The following STK3 variants were observed in gnomAD, a reference collection of about 807,000 sequenced individuals.
STK3 encodes the protein serine/threonine-protein kinase 3.
In STK3, 41 loss-of-function variants were observed where a neutral mutation model predicts 58.0. The ratio of observed to expected loss-of-function variants is 0.71; its 90% CI spans 0.55 to 0.92. STK3 has a LOEUF of 0.92. STK3 is among the 40% of genes least tolerant of loss of function. The pLI, the probability that STK3 is intolerant of heterozygous loss-of-function variation, is 0.00. For synonymous variants in STK3, 170 were observed against 191.0 expected (o/e 0.89, Z 0.91); for missense variants, 479 against 602.7 (o/e 0.79, Z 2.15).
intron 6 of STK3, among the ~76,000 whole-genome samples, chr8:98,700,822 C>T (rs1445024129): frequency 6.6e-6 from 1 of 152,148 alleles, no homozygotes; most frequent in Non-Finnish European, 1.5e-5. Flanking sequence ...TTCCTTACCC[C>T]TTTCCCTATG....
intron 6 of STK3, among the ~76,000 whole-genome samples, chr8:98,653,175 C>A (rs1423763032): frequency 7.9e-5 from 12 of 152,066 alleles, no homozygotes; most frequent in South Asian, 6.2e-4. Flanking sequence ...AGGATTAAGA[C>A]ACTCACTCAA....
chr8:98,615,353 G>T (rs1216539533), intron 6 of STK3, among the ~76,000 whole-genome samples: 1 of 148,196 alleles, frequency 6.7e-6, no homozygotes, highest in Non-Finnish European at 1.5e-5. Context: ...AAACCACAAA[G>T]ATGGGGAAAA....
At chr8:98,856,493 A>T (rs1321134373) in intron 3 of STK3, among the ~76,000 whole-genome samples, 5 of 152,224 alleles carry the variant, frequency 3.3e-5, no homozygotes, top group African/African-American at 1.2e-4. Context: ...CGCAAACTGA[A>T]GCCACAGTGA....
At chr8:98,758,479 G>A (rs561096436) in intron 3 of STK3, among the ~76,000 whole-genome samples, 2 of 152,360 alleles carry the variant, frequency 1.3e-5, no homozygotes, top group East Asian at 3.9e-4. Context: ...TTGCTGGGAT[G>A]TAAGGTTGGT....
At chr8:98,802,782 CAGAAAA>C (rs1256911862) in intron 1 of STK3, among the ~76,000 whole-genome samples, 2 of 152,006 alleles carry the variant, frequency 1.3e-5, no homozygotes, top group African/African-American at 4.8e-5. Context: ...AATCATGTTG[CAGAAAA>C]CTCATTGATA....
In STK3 at chr8:98,489,667, C is replaced by G. The variant is rs549700918; in HGVS notation, c.1318-33667G>C. On this transcript the variant is annotated intron_variant, in intron 10 of 10. Coordinates refer to ENST00000419617, the MANE Select transcript of STK3 (RefSeq NM_006281.4). ...AGCCGATTGTACCAACACCAAGATTCCACACATTCAATAATAGATGCTATT... is the reference window on the plus strand; with the variant it reads ...AGCCGATTGTACCAACACCAAGATTGCACACATTCAATAATAGATGCTATT... Among the ~76,000 whole-genome samples, 6 of 152,226 alleles carry G rather than the reference C, an allele frequency of 3.9e-5. No individual in the cohort carries two copies. The South Asian group carries it at 1.2e-3, about 32-fold the overall frequency.
intron 1 of STK3, among the ~76,000 whole-genome samples, chr8:98,443,856 C>T (rs1303750631): frequency 1.3e-5 from 2 of 152,152 alleles, no homozygotes; most frequent in Non-Finnish European, 2.9e-5. Context: ...TGTAATTCCA[C>T]AATAGTTGAA....
At chr8:98,920,262 A>G (rs1273847797) in intron 1 of STK3, among the ~76,000 whole-genome samples, 1 of 152,224 alleles carries the variant, frequency 6.6e-6, no homozygotes, top group African/African-American at 2.4e-5. Flanking sequence ...ACACAAAAAA[A>G]TTGGAGGTTG....
chr8:98,763,758 C>T (rs889960436), intron 3 of STK3, among the ~76,000 whole-genome samples: 6 of 151,972 alleles, frequency 3.9e-5, no homozygotes, highest in African/African-American at 1.2e-4. Flanking sequence ...CTGCACCTTC[C>T]GCCTTCCAGG....
intron 1 of STK3, among the ~76,000 whole-genome samples, chr8:98,907,388 C>T (rs1226390504): frequency 6.6e-6 from 1 of 151,972 alleles, no homozygotes; most frequent in Non-Finnish European, 1.5e-5. Flanking sequence ...GTGGCACCAC[C>T]TGTAGTCCCA....
At chr8:98,519,120 C>T (rs1055629288) in intron 10 of STK3, among the ~76,000 whole-genome samples, 3 of 152,140 alleles carry the variant, frequency 2.0e-5, no homozygotes, top group Non-Finnish European at 4.4e-5. Flanking sequence ...CTTCACTCAA[C>T]TGAAGTGGTT....
intron 3 of STK3, among the ~76,000 whole-genome samples, chr8:98,406,569 G>A (rs1180186681): frequency 6.6e-6 from 1 of 152,108 alleles, no homozygotes; most frequent in Admixed American, 6.5e-5. Context: ...GGTTTATTAA[G>A]TGTATGAAGG....
At chr8:98,827,522 C>G (rs1443805567), upstream of STK3, among the ~76,000 whole-genome samples, 3 of 152,132 alleles carry the variant, frequency 2.0e-5, no homozygotes, top group African/African-American at 7.2e-5. Flanking sequence ...GTTTAGTCCT[C>G]TTTTTGCATT....
At chr8:98,351,994 C>T in the STK3 span, among the ~76,000 whole-genome samples, 2 of 151,958 alleles carry the variant, frequency 1.3e-5, no homozygotes, top group South Asian at 2.1e-4. Context: ...CCCGTCTCTA[C>T]TAAAAATACA....
chr8:98,351,683 G>A, the STK3 span, among the ~76,000 whole-genome samples: 46,162 of 151,962 alleles, frequency 0.3, 8,027 homozygotes, highest in South Asian at 0.52. Context: ...CACTGAAAAG[G>A]TCTAGAAACA....
intron 6 of STK3, among the ~76,000 whole-genome samples, chr8:98,637,394 T>TA (rs1468988136): frequency 2.0e-5 from 3 of 151,860 alleles, no homozygotes; most frequent in Admixed American, 6.6e-5. Flanking sequence ...CCAATTAGTT[T>TA]AAAAAAAAGA....
upstream of STK3, among the ~76,000 whole-genome samples, chr8:98,830,602 C>A (rs1835491173): frequency 6.6e-6 from 1 of 152,162 alleles, no homozygotes; most frequent in South Asian, 2.1e-4. Flanking sequence ...GAGGCAGCAG[C>A]ATTCATGAAC....
chr8:98,887,705 A>G (rs1307551724), intron 1 of STK3, among the ~76,000 whole-genome samples: 1 of 152,170 alleles, frequency 6.6e-6, no homozygotes, highest in Non-Finnish European at 1.5e-5. Flanking sequence ...ATAGATGTAC[A>G]TGAGATAACT....
chr8:98,934,518 A>T (rs1164430959), intron 1 of STK3, among the ~76,000 whole-genome samples: 1 of 152,252 alleles, frequency 6.6e-6, no homozygotes, highest in Non-Finnish European at 1.5e-5. Context: ...TCCAAAGTAG[A>T]ATCCTGCCAA....
Sources: gnomAD v4.1 joint callset for allele counts (sites outside exome capture counted in the v4.1 genomes callset) on GRCh38, gnomAD v4.1.1 for gene constraint, MANE v1.5 for transcripts, NCBI Gene and HGNC (gene_info 2026-07-23, HGNC 2026-07-21) for gene names.